The following ALG13 variants were observed in gnomAD, a reference collection of about 807,000 sequenced individuals.
ALG13 encodes the protein UDP-N-acetylglucosamine transferase subunit ALG13.
ALG13 carries 11 observed loss-of-function variants against 87.8 expected under a neutral mutation model. The ratio of observed to expected loss-of-function variants is 0.13; its 90% CI spans 0.08 to 0.21. The LOEUF is 0.21. ALG13 is among the 10% of genes least tolerant of loss of function. The pLI is 1.00. For missense variants in ALG13, 756 were observed against 866.1 expected, an observed-to-expected ratio of 0.87 and a Z score of 1.60; for synonymous variants, 320 against 306.3, an observed-to-expected ratio of 1.04 and a Z score of -0.47.
chrX:111,699,970 G>A (rs1011406756), intron 3 of ALG13, among the ~76,000 whole-genome samples: 40 of 107,527 alleles, frequency 3.7e-4, no homozygotes, highest in Non-Finnish European at 4.2e-4. Context: ...GATCACTTTG[G>A]TAGTGTGGAC....
chrX:111,701,341 C>G (rs1937835746), intron 3 of ALG13, among the ~76,000 whole-genome samples: 1 of 111,565 alleles, frequency 9.0e-6, no homozygotes. Context: ...GGGTCTTGGA[C>G]TTTGGTGGGA....
Position 111,715,753 on chromosome X carries a change from A to C in ALG13, c.1006-2093A>C, listed in dbSNP as rs141188323. 5.2e-4 allele frequency among the ~76,000 whole-genome samples: 58 copies of C among 112,488 alleles called. No homozygotes were observed. The East Asian group carries it at 8.1e-3, about 16-fold the overall frequency. On this transcript the variant is annotated intron_variant, in intron 8 of 26. Transcript: ENST00000394780. ...AAATAAAAATGATTGTATTATAGGC[A>C]GTGAACATTATTAATGAGCCTTCTA...
chrX:111,690,303 G>A, intron 3 of ALG13: 1 of 752,896 alleles, frequency 1.3e-6, no homozygotes, highest in Non-Finnish European at 1.6e-6. Flanking sequence ...AATTTTCAGG[G>A]ATAAGGAAAT....
Position 111,727,761 on chromosome X carries a change from A to G in ALG13, c.2238A>G (p.Pro746=). 8.3e-7 allele frequency: 1 copy of G among 1,202,438 alleles called. No individual in the cohort carries two copies. Among genetic ancestry groups the G allele is most frequent in the Non-Finnish European group, 1.1e-6 (1 of 892,072 alleles). ...AAGAAGGGGATGAGACTGCTTATCC[A>G]ACTTTACCTGTGAGTGGATCAATGC... ...EVEEGDETAY[P]TLPNHGGPST... is the part of the protein sequence containing the mutation. The change falls in exon 18 of 27, where the codon CCA becomes CCG. Residue 746 remains proline (P), a synonymous_variant. Transcript: ENST00000394780.
chrX:111,690,671 C>T (rs1346615096), intron 3 of ALG13, among the ~76,000 whole-genome samples: 2 of 108,313 alleles, frequency 1.8e-5, no homozygotes, highest in African/African-American at 6.8e-5. Context: ...CCAGGCTGGT[C>T]GTGAACTCCT....
At chrX:111,698,593 G>A (rs192983269) in intron 3 of ALG13, among the ~76,000 whole-genome samples, 4 of 111,204 alleles carry the variant, frequency 3.6e-5, no homozygotes, top group Admixed American at 9.6e-5. Flanking sequence ...TTTAGATTCC[G>A]CATGTAAATC....
At chrX:111,703,657 C>T (rs1163218399) in intron 3 of ALG13, among the ~76,000 whole-genome samples, 2 of 112,103 alleles carry the variant, frequency 1.8e-5, no homozygotes, top group Non-Finnish European at 1.9e-5. Flanking sequence ...TTTTGCTTCG[C>T]ATGTTACATT....
chrX:111,722,168 A>G (rs970198856), intron 12 of ALG13, among the ~76,000 whole-genome samples: 1 of 112,327 alleles, frequency 8.9e-6, no homozygotes, highest in South Asian at 3.7e-4. Context: ...TGAAAATTAT[A>G]TAATTCAAAT....
Position 111,736,894 on chromosome X carries a change from G to C in ALG13, c.2695+15G>C, listed in dbSNP as rs1057522064. 5 of 1,183,479 alleles carry C rather than the reference G, an allele frequency of 4.2e-6. No individual in the cohort carries two copies. The highest frequency in any genetic ancestry group is 5.7e-6 in the Non-Finnish European group (5 of 879,706). ...CGGCAGGCCAGGTAGGTTATTAGCA[G>C]ATGCTTACTTTGGAAGCCTCTTTTC... On this transcript the variant is annotated intron_variant, in intron 23 of 26. Coordinates refer to ENST00000394780, the MANE Select transcript of ALG13 (RefSeq NM_001099922.3).
chrX:111,700,784 G>A (rs1273292428), intron 3 of ALG13, among the ~76,000 whole-genome samples: 3 of 99,903 alleles, frequency 3.0e-5, no homozygotes, highest in Non-Finnish European at 6.0e-5. Context: ...GTAGAGATGC[G>A]GTTTCACTAT....
intron 3 of ALG13, among the ~76,000 whole-genome samples, chrX:111,695,753 C>G (rs1936893292): frequency 9.0e-6 from 1 of 111,143 alleles, no homozygotes; most frequent in Non-Finnish European, 1.9e-5. Flanking sequence ...TTTCTCCTTC[C>G]TAAAACTTGA....
chrX:111,723,941 C>T (rs751139201), intron 14 of ALG13, 43 bp downstream of exon 14: 4 of 856,887 alleles, frequency 4.7e-6, no homozygotes, highest in Non-Finnish European at 6.5e-6. Flanking sequence ...ATCTTTGGTT[C>T]CTGGTTCCAT....
intron 8 of ALG13, among the ~76,000 whole-genome samples, 193 bp downstream of exon 8, chrX:111,713,490 A>G (rs747754140): frequency 6.3e-5 from 7 of 111,483 alleles, no homozygotes; most frequent in South Asian, 7.7e-4. Flanking sequence ...CCTGATCGTC[A>G]TTTCTCTGTG....
chrX:111,691,007 T>G (rs1481845359), intron 3 of ALG13, among the ~76,000 whole-genome samples: 1 of 111,691 alleles, frequency 9.0e-6, no homozygotes, highest in Non-Finnish European at 1.9e-5. Context: ...ACAGATCATT[T>G]GAAATTAATT....
chrX:111,738,833 G>A (rs1241499331), intron 23 of ALG13, among the ~76,000 whole-genome samples: 7 of 103,506 alleles, frequency 6.8e-5, no homozygotes, highest in Non-Finnish European at 1.4e-4. Flanking sequence ...CACCACACCC[G>A]GCCATAAACT....
At chrX:111,718,350 C>A in intron 10 of ALG13, 76 bp downstream of exon 10, 1 of 906,728 alleles carries the variant, frequency 1.1e-6, no homozygotes, top group Non-Finnish European at 1.5e-6. Flanking sequence ...GTGGAAGGGG[C>A]CTGGCAAGCT....
chrX:111,684,976 T>A lies in ALG13; in HGVS notation c.256T>A (p.Cys86Ser), dbSNP rs1934564084. The A allele has an allele frequency of 3.3e-6, 4 of 1,206,318 alleles. No individual in the cohort carries two copies. The highest frequency in any genetic ancestry group is 4.5e-6 in the Non-Finnish European group (4 of 893,798). The change falls in exon 3 of 27, where the codon TGT becomes AGT. Residue 86 changes from cysteine to serine, a missense_variant. Around this residue, in one of 9 missense-constraint regions of ALG13, gnomAD observed 153 missense variants for 168.7 expected, o/e 0.91. Coordinates refer to ENST00000394780, the MANE Select transcript of ALG13 (RefSeq NM_001099922.3). ...ATTTATATTTGTAGGTGCAGGAAGCTGTTTGGAGACTCTGGAAAAAGGAAA... is the reference window on the plus strand; with the variant it reads ...ATTTATATTTGTAGGTGCAGGAAGCAGTTTGGAGACTCTGGAAAAAGGAAA... ...LVISHAGAGS[C>S]LETLEKGKPL... is the part of the protein sequence containing the mutation.
At chrX:111,710,027 CTT>C (rs368461015) in intron 5 of ALG13, among the ~76,000 whole-genome samples, 1 of 102,144 alleles carries the variant, frequency 9.8e-6, no homozygotes. Context: ...CCCGAGATTT[CTT>C]TTTTTTTTTT....
At chrX:111,735,837 A>G (rs1043761643) in intron 22 of ALG13, among the ~76,000 whole-genome samples, 1 of 110,938 alleles carries the variant, frequency 9.0e-6, no homozygotes, top group Non-Finnish European at 1.9e-5. Flanking sequence ...TGAGGACAGT[A>G]TGTTCAAGAA....
Sources: gnomAD v4.1 joint callset for allele counts (sites outside exome capture counted in the v4.1 genomes callset) on GRCh38, gnomAD v4.1.1 for gene constraint, gnomAD v4.1.1 regional missense constraint, MANE v1.5 for transcripts, NCBI Gene and HGNC (gene_info 2026-07-23, HGNC 2026-07-21) for gene names.